The following TIAM1 variants were observed in gnomAD, a reference collection of about 807,000 sequenced individuals.
TIAM1 encodes the protein TIAM Rac1 associated GEF 1.
A neutral mutation model predicts 163.5 loss-of-function variants in TIAM1; 65 were observed. That is an observed-to-expected ratio of 0.40 (90% CI 0.33 to 0.49). TIAM1 has a LOEUF of 0.49. Among genes scored for constraint, TIAM1 ranks in the 20% least tolerant of loss-of-function variants. The pLI, the probability that TIAM1 is intolerant of heterozygous loss-of-function variation, is 0.77. For missense variants in TIAM1, 1,789 were observed against 2,044.7 expected (o/e 0.87, Z 2.41); for synonymous variants, 833 against 810.1 (o/e 1.03, Z -0.48).
chr21:31,267,515 C>CT (rs1555911431), intron 3 of TIAM1, among the ~76,000 whole-genome samples: 18 of 118,140 alleles, frequency 1.5e-4, no homozygotes, highest in African/African-American at 4.0e-4. Context: ...TTCGTTTTTT[C>CT]ATTTTTTTTT....
intron 8 of TIAM1, among the ~76,000 whole-genome samples, chr21:31,221,364 G>T (rs550663335): frequency 6.6e-6 from 1 of 152,178 alleles, no homozygotes. Flanking sequence ...AAGGAACAGA[G>T]AGTTGAACGT....
intron 2 of TIAM1, among the ~76,000 whole-genome samples, chr21:31,377,825 A>C (rs2076713290): frequency 6.6e-6 from 1 of 151,052 alleles, no homozygotes; most frequent in South Asian, 2.1e-4. Context: ...CACTGTGTCC[A>C]TTGAGGAATA....
chr21:31,350,444 G>A (rs1303078200), intron 2 of TIAM1, among the ~76,000 whole-genome samples: 1 of 152,146 alleles, frequency 6.6e-6, no homozygotes, highest in African/African-American at 2.4e-5. Context: ...CAAATCTCAT[G>A]CTGAATTGTA....
intron 2 of TIAM1, among the ~76,000 whole-genome samples, chr21:31,279,321 T>C (rs1294546695): frequency 1.3e-5 from 2 of 152,198 alleles, no homozygotes; most frequent in Non-Finnish European, 2.9e-5. Flanking sequence ...TCAGCAGATA[T>C]GCTAAGGTCA....
rs758953625 is a variant in TIAM1, at chr21:31,252,015, G to A, written c.1138C>T (p.Arg380Cys). ...CGGAAGTTCTCGTACACCCCCTGACGAGCCGCATCCCCGGTGGAGCTGCTG... is the reference window on the plus strand; with the variant it reads ...CGGAAGTTCTCGTACACCCCCTGACAAGCCGCATCCCCGGTGGAGCTGCTG... ...SGSSSTGDAA[R>C]QGVYENFRRE... The change falls in exon 5 of 28, where the codon CGT (arginine) becomes TGT (cysteine). Residue 380 changes from arginine (R) to cysteine (C), a missense_variant. Transcript: ENST00000541036. 3.1e-6 allele frequency: 5 copies of A among 1,613,950 alleles called. No homozygotes were observed. The highest frequency in any genetic ancestry group is 1.6e-4 in the Middle Eastern group (1 of 6,062).
chr21:31,201,053 A>G (rs1335597094), intron 12 of TIAM1, among the ~76,000 whole-genome samples: 2 of 152,232 alleles, frequency 1.3e-5, no homozygotes, highest in Admixed American at 6.5e-5. Context: ...TACAATTTCA[A>G]AAACTATGTC....
At chr21:31,221,559 G>A (rs1428459081) in intron 8 of TIAM1, among the ~76,000 whole-genome samples, 4 of 152,204 alleles carry the variant, frequency 2.6e-5, no homozygotes, top group African/African-American at 7.2e-5. Flanking sequence ...AGAGTAAAAC[G>A]GTAACCTTCT....
At chr21:31,437,918 T>A (rs1292419004) in intron 2 of TIAM1, among the ~76,000 whole-genome samples, 1 of 152,204 alleles carries the variant, frequency 6.6e-6, no homozygotes, top group Non-Finnish European at 1.5e-5. Flanking sequence ...TACGTATGGA[T>A]ATTCCATAAC....
intron 1 of TIAM1, among the ~76,000 whole-genome samples, chr21:31,554,837 C>G (rs1362278204): frequency 6.6e-6 from 1 of 152,158 alleles, no homozygotes; most frequent in Non-Finnish European, 1.5e-5. Flanking sequence ...AGTGAAAGAG[C>G]TTCAAGGTCT....
intron 2 of TIAM1, among the ~76,000 whole-genome samples, chr21:31,300,126 G>A (rs1175666968): frequency 3.9e-5 from 6 of 152,278 alleles, no homozygotes; most frequent in South Asian, 2.1e-4. Context: ...CTTTGCGACA[G>A]TGGGTGAGTT....
intron 1 of TIAM1, among the ~76,000 whole-genome samples, chr21:31,507,168 G>A (rs953285628): frequency 7.2e-5 from 7 of 97,210 alleles, no homozygotes; most frequent in Admixed American, 2.0e-4. Context: ...TGAGGTGCAT[G>A]CACCTTTTTA....
chr21:31,230,660 C>G (rs2146658343), intron 6 of TIAM1, among the ~76,000 whole-genome samples: 1 of 152,262 alleles, frequency 6.6e-6, no homozygotes. Flanking sequence ...TAGTCCCTAG[C>G]TGGGACTACA....
chr21:31,553,483 T>C (rs545579742), intron 1 of TIAM1, among the ~76,000 whole-genome samples: 1 of 152,310 alleles, frequency 6.6e-6, no homozygotes, highest in East Asian at 1.9e-4. Context: ...ATAAACCCCG[T>C]GGTTCTGAGC....
chr21:31,361,837 T>TTAGATAGATAGA (rs75126984), intron 2 of TIAM1, among the ~76,000 whole-genome samples: 6,131 of 147,658 alleles, frequency 0.042, 149 homozygotes, highest in African/African-American at 0.053. Flanking sequence ...GGAAGAAAGA[T>TTAGATAGATAGA]TAGATAGATA....
rs9974148 is a variant in TIAM1, at chr21:31,306,120, C to A, written c.-188-29212G>T. On this transcript the variant is annotated intron_variant, in intron 2 of 27. Transcript: ENST00000541036. ...GCAACCCACCAAGACCTCATCTCTA[C>A]AAAAAATTTAAAAATAAGCCAGGCA... 2.1e-3 allele frequency among the ~76,000 whole-genome samples: 320 copies of A among 151,604 alleles called. 3 individuals are homozygous for A. Among genetic ancestry groups the A allele is most frequent in the African/African-American group, 7.4e-3 (305 of 41,304 alleles).
At chr21:31,180,173 T>C (rs2084947722) in intron 15 of TIAM1, among the ~76,000 whole-genome samples, 1 of 152,192 alleles carries the variant, frequency 6.6e-6, no homozygotes, top group Non-Finnish European at 1.5e-5. Flanking sequence ...CCCAAAGTGC[T>C]GGGATTACAG....
intron 22 of TIAM1, 31 bp from the exon 23 acceptor site, chr21:31,136,072 G>GGGT: frequency 6.3e-7 from 1 of 1,575,330 alleles, no homozygotes; most frequent in Non-Finnish European, 8.7e-7. Context: ...AAAGCTTACT[G>GGGT]GGTGGTGTTA....
intron 2 of TIAM1, among the ~76,000 whole-genome samples, chr21:31,359,149 C>A (rs577959651): frequency 1.8e-4 from 28 of 152,336 alleles, no homozygotes; most frequent in African/African-American, 6.5e-4. Context: ...CCCACCCACC[C>A]AAAGCAGGTC....
intron 10 of TIAM1, among the ~76,000 whole-genome samples, chr21:31,210,671 G>C (rs1413225545): frequency 2.5e-5 from 1 of 39,428 alleles, no homozygotes; most frequent in Non-Finnish European, 5.0e-5. Context: ...GAAAGAAAAA[G>C]AAAGAAAGAA....
Sources: gnomAD v4.1 joint callset for allele counts (sites outside exome capture counted in the v4.1 genomes callset) on GRCh38, gnomAD v4.1.1 for gene constraint, MANE v1.5 for transcripts, NCBI Gene and HGNC (gene_info 2026-07-23, HGNC 2026-07-21) for gene names.